NCAPD3: variants seen among roughly 807,000 people sequenced by gnomAD.
NCAPD3 encodes condensin-2 complex subunit D3.
In NCAPD3, 105 loss-of-function variants were observed where a neutral mutation model predicts 182.9. The observed-to-expected ratio is 0.57, with a 90% CI of 0.49 to 0.68. The LOEUF is 0.68. NCAPD3 is among the 30% of genes least tolerant of loss of function. NCAPD3 has a pLI of 0.00. For synonymous variants in NCAPD3, 815 were observed against 679.9 expected (o/e 1.20, Z -3.09); for missense variants, 1,944 against 1,837.0 (o/e 1.06, Z -1.07).
In NCAPD3 at chr11:134,208,890, A is replaced by G. The variant is rs747292250; in HGVS notation, c.856T>C (p.Ser286Pro). The G allele has an allele frequency of 6.2e-7, 1 of 1,612,882 alleles. No individual in the cohort carries two copies. Among genetic ancestry groups the G allele is most frequent in the South Asian group, 1.1e-5 (1 of 90,710 alleles). ...TTATCTCCTTCTCCATGAATGGGAG[A>G]GCACAGCAAATACAATCCATAATAA... ...LAYYGLYLLC[S>P]PIHGEGDKVI... Residue 286 changes from serine to proline, a missense_variant, in exon 7 of 35, where the codon TCT becomes CCT. This residue lies in a region of NCAPD3 where 1,803 missense variants were observed against 1,674.6 expected (regional missense o/e 1.08). Coordinates refer to ENST00000534548, the MANE Select transcript of NCAPD3 (RefSeq NM_015261.3).
At chr11:134,177,500 C>A (rs1944198979) in intron 22 of NCAPD3, 43 bp from the exon 23 acceptor site, 1 of 1,548,278 alleles carries the variant, frequency 6.5e-7, no homozygotes, top group South Asian at 1.1e-5. Context: ...TATTCTAAAT[C>A]CTAATTCCAT....
chr11:134,166,754 C>G (rs1943822739), intron 27 of NCAPD3, among the ~76,000 whole-genome samples: 1 of 127,498 alleles, frequency 7.8e-6, no homozygotes, highest in Admixed American at 7.7e-5. Context: ...GGGGGAGGCG[C>G]ACACTCGTGA....
intron 13 of NCAPD3, 120 bp from the exon 14 acceptor site, chr11:134,194,858 T>A (rs1475234202): frequency 1.7e-6 from 1 of 576,184 alleles, no homozygotes; most frequent in African/African-American, 2.0e-5. Context: ...TTGTTTTAAA[T>A]CCTAAGAAAT....
At position 134,168,926 on chromosome 11, in the gene NCAPD3, T is replaced by A. The variant is rs1462645370; in HGVS notation, c.3230A>T (p.Gln1077Leu). The A allele has an allele frequency of 4.3e-6, 7 of 1,613,250 alleles. No individual in the cohort carries two copies. Among genetic ancestry groups the A allele is most frequent in the Non-Finnish European group, 5.9e-6 (7 of 1,179,610 alleles). ...EKHEKYNKFP[Q>L]SEREKRLFSL... ...TAGCTGCTTCACTGACCTCTCTGAC[T>A]GGGGGAACTTGTTGTACTTCTCATG... Residue 1077 changes from glutamine (Q) to leucine (L), a missense_variant, in exon 25 of 35, where the codon CAG (glutamine) becomes CTG (leucine). By Grantham distance (113) the Gln-to-Leu change is moderately radical. Around this residue, in one of 3 missense-constraint regions of NCAPD3, gnomAD observed 1,803 missense variants for 1,674.6 expected, o/e 1.08. Transcript: ENST00000534548.
intron 3 of NCAPD3, among the ~76,000 whole-genome samples, chr11:134,212,932 A>G (rs1025450884): frequency 6.6e-6 from 1 of 152,216 alleles, no homozygotes; most frequent in African/African-American, 2.4e-5. Flanking sequence ...GAAAATAAAT[A>G]GAAAAATGGC....
Position 134,202,815 on chromosome 11 carries a change from C to A in NCAPD3, c.1615+1G>T. 6.3e-7 allele frequency: 1 copy of A among 1,595,662 alleles called. No individual in the cohort carries two copies. The highest frequency in any genetic ancestry group is 8.5e-7 in the Non-Finnish European group (1 of 1,169,596). On this transcript the variant is annotated splice_donor_variant, in intron 13 of 34. Coordinates refer to ENST00000534548, the MANE Select transcript of NCAPD3 (RefSeq NM_015261.3). LOFTEE classifies it high-confidence loss of function. ...TCTGACAGTGATAAAATCTGACATA[C>A]CTCCAGATCCAACTGTTTCACCACT... is the stretch of plus-strand genomic sequence containing the variant.
At position 134,157,021 on chromosome 11, in the gene NCAPD3, C is replaced by G; in HGVS notation, c.4249G>C (p.Glu1417Gln). 6.2e-7 allele frequency: 1 copy of G among 1,611,906 alleles called. No homozygotes were observed. Among genetic ancestry groups the G allele is most frequent in the Non-Finnish European group, 8.5e-7 (1 of 1,178,308 alleles). ...HVTKRAISTP[E>Q]KSISDVTFGA... The stretch of plus-strand genomic sequence containing the variant: ...CGTGTTCCGATCAGTTACTCACTCT[C>G]GGGGGTGCTGATGGCCCGCTTGGTC... The change falls in exon 32 of 35, where the codon GAG becomes CAG. Residue 1417 changes from glutamate to glutamine, a missense_variant. Glu to Gln is a conservative substitution (Grantham distance 29). Around this residue, in one of 3 missense-constraint regions of NCAPD3, gnomAD observed 1,803 missense variants for 1,674.6 expected, o/e 1.08. Transcript: ENST00000534548.
intron 3 of NCAPD3, 51 bp from the exon 4 acceptor site, chr11:134,210,505 T>C: frequency 6.7e-7 from 1 of 1,490,060 alleles, no homozygotes; most frequent in South Asian, 1.2e-5. Context: ...TGTCTTGAAA[T>C]ATATCTATAA....
chr11:134,158,532 C>A (rs747783327), intron 29 of NCAPD3, 37 bp from the exon 30 acceptor site: 109 of 1,590,070 alleles, frequency 6.9e-5, no homozygotes, highest in Non-Finnish European at 8.3e-5. Context: ...CATTCTAATA[C>A]TTTTTAAGTT....
rs1938189298 is a variant in NCAPD3 at position 134,220,580 on chromosome 11, A to T, written c.211T>A (p.Ser71Thr). 1 of 1,612,742 alleles carries T rather than the reference A, an allele frequency of 6.2e-7. No homozygotes were observed. Among genetic ancestry groups the T allele is most frequent in the African/African-American group, 1.3e-5 (1 of 75,002 alleles). The change falls in exon 2 of 35, where the codon TCT becomes ACT. Residue 71 changes from serine (S) to threonine (T), a missense_variant. Ser to Thr is a moderately conservative substitution (Grantham distance 58). This residue lies in a region of NCAPD3 where 131 missense variants were observed against 133.9 expected (regional missense o/e 0.98). Transcript: ENST00000534548. ...TGTTTTTATATTTTTACCTCCATAGATCCATGTTCTCCAGTAGCAAAGGGT... is the reference window on the plus strand; with the variant it reads ...TGTTTTTATATTTTTACCTCCATAGTTCCATGTTCTCCAGTAGCAAAGGGT... ...LLPFATGEHG[S>T]MESIWTFFIE...
At chr11:134,189,274 G>T (rs1167103518) in intron 16 of NCAPD3, among the ~76,000 whole-genome samples, 1 of 152,042 alleles carries the variant, frequency 6.6e-6, no homozygotes, top group African/African-American at 2.4e-5. Flanking sequence ...GCTTTTTGAA[G>T]ACTGTTTTTC....
In NCAPD3 at chr11:134,194,157, G is replaced by A. The variant is rs752996743; in HGVS notation, c.1690-7C>T. ...TCAAAATACTCACTAATACCTAGAA[G>A]GCATAGACGCAACATGAACTGTTAA... is the stretch of plus-strand genomic sequence containing the variant. On this transcript the variant is annotated splice_region_variant and splice_polypyrimidine_tract_variant and intron_variant, in intron 14 of 34. Transcript: ENST00000534548. 1.4e-5 allele frequency: 23 copies of A among 1,612,966 alleles called. No individual in the cohort carries two copies. Among genetic ancestry groups the A allele is most frequent in the Non-Finnish European group, 1.8e-5 (21 of 1,179,538 alleles).
In NCAPD3 at chr11:134,216,211, A is replaced by G. The variant is rs145789505; in HGVS notation, c.382+725T>C. On this transcript the variant is annotated intron_variant, in intron 3 of 34. Transcript: ENST00000534548. ...CAAATCAATGTTCAGGGCTTTAAAT[A>G]TAAGACCTTTTTGCCCATTCCCAGA... is the stretch of plus-strand genomic sequence containing the variant. 5.2e-5 allele frequency among the ~76,000 whole-genome samples: 8 copies of G among 152,382 alleles called. No homozygotes were observed. The East Asian group carries it at 1.5e-3, about 29-fold the overall frequency.
chr11:134,169,087 C>T (rs764451661), intron 24 of NCAPD3, 33 bp from the exon 25 acceptor site: 31 of 1,602,770 alleles, frequency 1.9e-5, no homozygotes, highest in Non-Finnish European at 2.6e-5. Flanking sequence ...GAGGGAGACC[C>T]ATTTGCTATG....
Position 134,167,772 on chromosome 11 carries a change from A to G in NCAPD3, c.3573+224T>C, listed in dbSNP as rs543438002. 9.5e-5 allele frequency among the ~76,000 whole-genome samples: 12 copies of G among 126,196 alleles called. No individual in the cohort carries two copies. In the East Asian group the frequency reaches 3.0e-3, roughly 31 times the overall value. The allele number at this position is 126,196 out of a possible 152,430, so 82.8% of individuals were successfully genotyped here. A position where few individuals can be genotyped will look rare whatever the true frequency, so the allele number is the denominator to read the frequency against. ...AGGGAGAGCAGCACACTCACTTGTG[A>G]GATGAGCTTGGGGGAGGTGCACACT... is the stretch of plus-strand genomic sequence containing the variant. On this transcript the variant is annotated intron_variant, in intron 27 of 34. Transcript: ENST00000534548.
Position 134,202,865 on chromosome 11 carries a change from G to A in NCAPD3, c.1566C>T (p.Pro522=), listed in dbSNP as rs1944778454. Residue 522 remains proline, a synonymous_variant, in exon 13 of 35, where the codon CCC becomes CCT. Transcript: ENST00000534548. ...TGCTGTCTATGTTGATCTCCCCTGA[G>A]GGTTCGGAACGGTTAGATGTCTGCC... ...YQRQTSNRSE[P]SGEINIDSSG... 8.1e-6 allele frequency: 13 copies of A among 1,608,500 alleles called. No homozygotes were observed. The South Asian group carries it at 1.3e-4, about 17-fold the overall frequency.
intron 1 of NCAPD3, 44 bp downstream of exon 1, chr11:134,223,819 G>A (rs530078201): frequency 1.3e-6 from 2 of 1,595,150 alleles, no homozygotes; most frequent in Admixed American, 3.5e-5. Flanking sequence ...GGACGCATAG[G>A]ACCCTCGCCC....
chr11:134,161,780 C>A lies in NCAPD3; in HGVS notation c.3684+1G>T. 1 of 1,533,182 alleles carries A rather than the reference C, an allele frequency of 6.5e-7. No individual in the cohort carries two copies. The highest frequency in any genetic ancestry group is 9.0e-7 in the Non-Finnish European group (1 of 1,110,636). The allele number at this position is 1,533,182 out of a possible 1,614,324, so 95.0% of individuals were successfully genotyped here. On this transcript the variant is annotated splice_donor_variant, in intron 28 of 34. Coordinates refer to ENST00000534548, the MANE Select transcript of NCAPD3 (RefSeq NM_015261.3). LOFTEE classifies it high-confidence loss of function. ...CACAAAAGCACAGGCTCCACCCTTA[C>A]CCTGAGATAGTGCATGAGTTCCCGC...
At chr11:134,166,634 A>C (rs1428538794) in intron 27 of NCAPD3, among the ~76,000 whole-genome samples, 1 of 50,432 alleles carries the variant, frequency 2.0e-5, no homozygotes, top group Non-Finnish European at 3.6e-5. Context: ...CTCACTAGTG[A>C]GATGAGCTTG....
Sources: gnomAD v4.1 joint callset for allele counts (sites outside exome capture counted in the v4.1 genomes callset) on GRCh38, gnomAD v4.1.1 for gene constraint, gnomAD v4.1.1 regional missense constraint, MANE v1.5 for transcripts, NCBI Gene and HGNC (gene_info 2026-07-23, HGNC 2026-07-21) for gene names.